The following HS6ST3 variants were observed in gnomAD, a reference collection of about 807,000 sequenced individuals.
HS6ST3 encodes heparan-sulfate 6-O-sulfotransferase 3.
HS6ST3 carries 12 observed loss-of-function variants against 36.7 expected under a neutral mutation model. The observed-to-expected ratio is 0.33, with a 90% CI of 0.21 to 0.53. The LOEUF is 0.53. HS6ST3 is among the 20% of genes least tolerant of loss of function. The probability of loss-of-function intolerance (pLI) is 0.95; values close to 1 mark genes in which losing one functional copy is unlikely to be tolerated. For missense variants in HS6ST3, 584 were observed against 640.9 expected (o/e 0.91, Z 0.96); for synonymous variants, 240 against 257.5 (o/e 0.93, Z 0.65).
At chr13:96,647,648 C>T (rs541880962) in intron 1 of HS6ST3, among the ~76,000 whole-genome samples, 12 of 152,044 alleles carry the variant, frequency 7.9e-5, no homozygotes, top group Non-Finnish European at 1.0e-4. Flanking sequence ...TTTTTGTTAA[C>T]GGAAAGCTGA....
chr13:96,461,340 C>A (rs1023488948), intron 1 of HS6ST3, among the ~76,000 whole-genome samples: 2 of 152,050 alleles, frequency 1.3e-5, no homozygotes, highest in Non-Finnish European at 2.9e-5. Flanking sequence ...ATAAGAAGAA[C>A]AACAACAAAA....
chr13:96,379,220 A>G (rs1368070279), intron 1 of HS6ST3, among the ~76,000 whole-genome samples: 1 of 152,168 alleles, frequency 6.6e-6, no homozygotes, highest in Non-Finnish European at 1.5e-5. Flanking sequence ...TCTGTTTGCT[A>G]TGGTCTGAAT....
At chr13:96,481,835 G>A (rs1054929723) in intron 1 of HS6ST3, among the ~76,000 whole-genome samples, 6 of 152,082 alleles carry the variant, frequency 3.9e-5, no homozygotes, top group Admixed American at 6.6e-5. Context: ...GAAAGCGCTC[G>A]GAGCTCCAAA....
intron 1 of HS6ST3, among the ~76,000 whole-genome samples, chr13:96,789,883 T>C (rs1161396467): frequency 6.6e-6 from 1 of 151,902 alleles, no homozygotes; most frequent in African/African-American, 2.4e-5. Context: ...TTATGATGTG[T>C]CTGGGTTGGA....
intron 1 of HS6ST3, among the ~76,000 whole-genome samples, chr13:96,728,727 C>T (rs1049963147): frequency 6.6e-6 from 1 of 152,144 alleles, no homozygotes; most frequent in African/African-American, 2.4e-5. Context: ...TGATTTTAAT[C>T]AATCATCCCT....
intron 1 of HS6ST3, among the ~76,000 whole-genome samples, chr13:96,828,409 T>C (rs922466224): frequency 6.6e-6 from 1 of 152,194 alleles, no homozygotes; most frequent in Non-Finnish European, 1.5e-5. Flanking sequence ...TGCTTTAAGT[T>C]GGTGTGTATT....
intron 1 of HS6ST3, among the ~76,000 whole-genome samples, chr13:96,709,702 C>T (rs1875515541): frequency 6.6e-6 from 1 of 152,162 alleles, no homozygotes; most frequent in Non-Finnish European, 1.5e-5. Context: ...TGATCCTAGA[C>T]TTGTAGCCTT....
chr13:96,703,654 G>T (rs1335117436), intron 1 of HS6ST3, among the ~76,000 whole-genome samples: 1 of 152,142 alleles, frequency 6.6e-6, no homozygotes, highest in Non-Finnish European at 1.5e-5. Flanking sequence ...CACTGCTGGG[G>T]CATTTTACAA....
chr13:96,313,975 TGGAACACCTGA>T (rs1426057890), intron 1 of HS6ST3, among the ~76,000 whole-genome samples: 2 of 151,948 alleles, frequency 1.3e-5, no homozygotes, highest in African/African-American at 2.4e-5. Context: ...CCAAGGCGGG[TGGAACACCTGA>T]GGTCAAGAGT....
chr13:96,758,562 T>G (rs765914651), intron 1 of HS6ST3, among the ~76,000 whole-genome samples: 1 of 151,930 alleles, frequency 6.6e-6, no homozygotes, highest in African/African-American at 2.4e-5. Flanking sequence ...TCCCACAAAT[T>G]TTGATGTTTT....
intron 1 of HS6ST3, among the ~76,000 whole-genome samples, chr13:96,636,466 G>A (rs1229669130): frequency 1.3e-5 from 2 of 152,158 alleles, no homozygotes; most frequent in African/African-American, 4.8e-5. Context: ...GTTTGGCCAT[G>A]GCTGTAGCTC....
At chr13:96,142,247 G>A (rs1350767450) in intron 1 of HS6ST3, among the ~76,000 whole-genome samples, 2 of 152,140 alleles carry the variant, frequency 1.3e-5, no homozygotes, top group African/African-American at 2.4e-5. Flanking sequence ...TAAAATTAGA[G>A]TTTGTGTAAT....
intron 1 of HS6ST3, among the ~76,000 whole-genome samples, chr13:96,550,783 A>G (rs958121735): frequency 1.3e-5 from 2 of 151,966 alleles, no homozygotes; most frequent in African/African-American, 2.4e-5. Context: ...TTTCAGAAAA[A>G]ACTCATTTAA....
At chr13:96,185,655 A>G (rs1215632607) in intron 1 of HS6ST3, among the ~76,000 whole-genome samples, 1 of 152,222 alleles carries the variant, frequency 6.6e-6, no homozygotes, top group East Asian at 1.9e-4. Flanking sequence ...TTAATTGTCT[A>G]AATGCTTGGC....
At chr13:96,505,061 A>G (rs1040000207) in intron 1 of HS6ST3, among the ~76,000 whole-genome samples, 1 of 152,178 alleles carries the variant, frequency 6.6e-6, no homozygotes, top group South Asian at 2.1e-4. Context: ...TGTGTAAATA[A>G]TGGCTTATCC....
chr13:96,209,960 C>G (rs2054390564), intron 1 of HS6ST3, among the ~76,000 whole-genome samples: 1 of 152,142 alleles, frequency 6.6e-6, no homozygotes, highest in Non-Finnish European at 1.5e-5. Flanking sequence ...TCTTTGTCTG[C>G]CTTCCCCAAG....
At chr13:96,104,709 C>T (rs2053833079) in intron 1 of HS6ST3, among the ~76,000 whole-genome samples, 2 of 152,182 alleles carry the variant, frequency 1.3e-5, no homozygotes, top group Admixed American at 1.3e-4. Context: ...TCAAACTGGC[C>T]AGTCCTAAAC....
chr13:96,614,311 A>AAAAAAAC (rs2056466403), intron 1 of HS6ST3, among the ~76,000 whole-genome samples: 1 of 148,598 alleles, frequency 6.7e-6, no homozygotes, highest in Non-Finnish European at 1.5e-5. Context: ...AAAAAAAAAA[A>AAAAAAAC]AAAAAAAAAA....
At chr13:96,522,729 A>G (rs548644676) in intron 1 of HS6ST3, among the ~76,000 whole-genome samples, 48 of 151,912 alleles carry the variant, frequency 3.2e-4, no homozygotes, top group Admixed American at 1.1e-3. Context: ...ATCTTCCTCC[A>G]TCCCTTTATG....
Sources: gnomAD v4.1 joint callset for allele counts (sites outside exome capture counted in the v4.1 genomes callset) on GRCh38, gnomAD v4.1.1 for gene constraint, MANE v1.5 for transcripts, NCBI Gene and HGNC (gene_info 2026-07-23, HGNC 2026-07-21) for gene names.